WNT2: variants seen among roughly 807,000 people sequenced by gnomAD.
The protein encoded by WNT2 is protein Wnt-2.
In WNT2, 12 loss-of-function variants were observed where a neutral mutation model predicts 36.9. That is an observed-to-expected ratio of 0.33 (90% CI 0.21 to 0.53). The LOEUF (loss-of-function observed/expected upper bound fraction) is 0.53. WNT2 is among the 20% of genes least tolerant of loss of function. The probability of loss-of-function intolerance (pLI) is 0.95; values close to 1 mark genes in which losing one functional copy is unlikely to be tolerated. For synonymous variants in WNT2, 163 were observed against 174.6 expected (o/e 0.93, Z 0.52); for missense variants, 379 against 473.1 (o/e 0.80, Z 1.84).
chr7:117,315,390 TA>T, intron 2 of WNT2, 42 bp from the exon 3 acceptor site: 1 of 1,563,122 alleles, frequency 6.4e-7, no homozygotes, highest in Non-Finnish European at 8.7e-7. Flanking sequence ...CCGGTAGCAC[TA>T]TTTCTGAATA....
intron 3 of WNT2, among the ~76,000 whole-genome samples, chr7:117,308,561 A>G (rs1466214045): frequency 6.6e-6 from 1 of 152,218 alleles, no homozygotes; most frequent in Non-Finnish European, 1.5e-5. Flanking sequence ...GGGGTCCAAC[A>G]AGACAGAAGT....
chr7:117,322,536 T>TACACACACACACACACACACACAC lies in WNT2; in HGVS notation c.83+347_83+370dup, dbSNP rs144898264. Among the ~76,000 whole-genome samples the TACACACACACACACACACACACAC allele has an allele frequency of 2.7e-4, 35 of 127,996 alleles. No homozygotes were observed. Among genetic ancestry groups the TACACACACACACACACACACACAC allele is most frequent in the African/African-American group, 9.3e-4 (30 of 32,210 alleles). 84.0% of individuals were successfully genotyped at this position (127,996 alleles called of 152,430 possible). A position where few individuals can be genotyped will look rare whatever the true frequency, so the allele number is the denominator to read the frequency against. On this transcript the variant is annotated intron_variant, in intron 1 of 4. Transcript: ENST00000265441. This position sits in a 1 kb window ranked among gnomAD's most constrained non-coding sequence, Gnocchi z 5.4. ...GCGGTTGTAGTTTTCAAGGTGAATT[T>TACACACACACACACACACACACAC]ACACACACACACACACACACACACA... is the stretch of plus-strand genomic sequence containing the variant.
intron 4 of WNT2, among the ~76,000 whole-genome samples, chr7:117,281,161 G>A (rs1794481493): frequency 6.6e-6 from 1 of 152,212 alleles, no homozygotes; most frequent in African/African-American, 2.4e-5. Flanking sequence ...ACAACAGACT[G>A]CTGATTCAGG....
intron 3 of WNT2, among the ~76,000 whole-genome samples, chr7:117,314,269 C>A (rs1269022813): frequency 6.6e-6 from 1 of 152,180 alleles, no homozygotes; most frequent in Non-Finnish European, 1.5e-5. Context: ...ACCACCATAC[C>A]AAAAGACATG....
chr7:117,286,577 A>G (rs775767355), intron 4 of WNT2, among the ~76,000 whole-genome samples: 3 of 152,154 alleles, frequency 2.0e-5, no homozygotes, highest in Non-Finnish European at 4.4e-5. Context: ...TAGGGCATAA[A>G]CCAAGATTCA....
rs1182262727 is a variant in WNT2 at position 117,315,227 on chromosome 7, G to A, written c.432C>T (p.Ser144=). The change falls in exon 3 of 5, where the codon AGC becomes AGT. Residue 144 remains serine (S), a synonymous_variant. Coordinates refer to ENST00000265441, the MANE Select transcript of WNT2 (RefSeq NM_003391.3). ...CAAAAATGCCTTTGCTGTCCTTGGC[G>A]CTTCCCATCTTCTTTGGATCACAGG... ...SCSCDPKKMG[S]AKDSKGIFDW... 12 of 1,613,992 alleles carry A rather than the reference G, an allele frequency of 7.4e-6. No homozygotes were observed. Among genetic ancestry groups the A allele is most frequent in the East Asian group, 2.2e-5 (1 of 44,892 alleles).
intron 2 of WNT2, among the ~76,000 whole-genome samples, chr7:117,319,052 A>G (rs1795272336): frequency 6.6e-6 from 1 of 152,204 alleles, no homozygotes; most frequent in African/African-American, 2.4e-5. Flanking sequence ...ATTTGAAATC[A>G]TTGCAAAATG....
At chr7:117,301,260 T>C (rs1794900746) in intron 3 of WNT2, among the ~76,000 whole-genome samples, 1 of 152,174 alleles carries the variant, frequency 6.6e-6, no homozygotes, top group Admixed American at 6.5e-5. Flanking sequence ...AGTTTGGGGC[T>C]ACCTTCATCT....
chr7:117,287,547 A>T (rs1213978383), intron 4 of WNT2, among the ~76,000 whole-genome samples: 1 of 152,012 alleles, frequency 6.6e-6, no homozygotes, highest in Admixed American at 6.6e-5. Flanking sequence ...ACTGTTTGGA[A>T]ATATTTGATC....
chr7:117,281,843 G>A (rs1794495167), intron 4 of WNT2, among the ~76,000 whole-genome samples: 1 of 152,168 alleles, frequency 6.6e-6, no homozygotes, highest in African/African-American at 2.4e-5. Flanking sequence ...ACACCAAGGA[G>A]GTAACTGGCG....
At chr7:117,281,700 G>A (rs1794492417) in intron 4 of WNT2, among the ~76,000 whole-genome samples, 1 of 152,078 alleles carries the variant, frequency 6.6e-6, no homozygotes, top group African/African-American at 2.4e-5. Flanking sequence ...AAGAGATATT[G>A]CGTGAAGAAA....
chr7:117,286,265 G>A (rs540711910), intron 4 of WNT2, among the ~76,000 whole-genome samples: 6 of 152,132 alleles, frequency 3.9e-5, no homozygotes, highest in Non-Finnish European at 7.4e-5. Flanking sequence ...ATGGAGTCAG[G>A]GTTCCCAGTG....
At chr7:117,301,794 C>T (rs1362413049) in intron 3 of WNT2, among the ~76,000 whole-genome samples, 2 of 150,626 alleles carry the variant, frequency 1.3e-5, no homozygotes, top group Non-Finnish European at 3.0e-5. Context: ...ATTCTGTTTC[C>T]CTCCATTCTT....
chr7:117,300,291 A>T (rs1307195318), intron 3 of WNT2, among the ~76,000 whole-genome samples: 2 of 152,172 alleles, frequency 1.3e-5, no homozygotes, highest in Non-Finnish European at 2.9e-5. Context: ...GGTTCAAGCG[A>T]TTCTACTGCC....
At chr7:117,301,419 G>A (rs144613874) in intron 3 of WNT2, among the ~76,000 whole-genome samples, 19 of 152,248 alleles carry the variant, frequency 1.2e-4, no homozygotes, top group Non-Finnish European at 2.8e-4. Context: ...AAGGATATGA[G>A]GGCAAGAAAC....
At chr7:117,314,263 C>T (rs1321814209) in intron 3 of WNT2, among the ~76,000 whole-genome samples, 1 of 152,190 alleles carries the variant, frequency 6.6e-6, no homozygotes, top group Non-Finnish European at 1.5e-5. Flanking sequence ...GGTCATACCA[C>T]CATACCAAAA....
At position 117,275,970 on chromosome 7, in the gene WNT2, AAAAGTAGC is replaced by A. The variant is rs1318559704; in HGVS notation, c.*2177_*2184del. 6.6e-6 allele frequency among the ~76,000 whole-genome samples: 1 copy of A among 152,208 alleles called. No individual in the cohort carries two copies. Reference sequence around the variant, plus strand: ...CAGATCTAAACATACCAGGCATAAAAAAAGTAGCAAACACACCATTGGAAGCTAAAATT... The same window carrying A: ...CAGATCTAAACATACCAGGCATAAAAAAACACACCATTGGAAGCTAAAATT... On this transcript the variant is annotated 3_prime_UTR_variant, in exon 5 of 5. Coordinates refer to ENST00000265441, the MANE Select transcript of WNT2 (RefSeq NM_003391.3).
intron 3 of WNT2, among the ~76,000 whole-genome samples, chr7:117,310,963 G>A (rs751193012): frequency 1.2e-4 from 18 of 152,122 alleles, no homozygotes; most frequent in Non-Finnish European, 2.5e-4. Context: ...CTTATGGTCA[G>A]GGGCTGCTTT....
chr7:117,320,828 A>G, intron 1 of WNT2, 35 bp from the exon 2 acceptor site: 1 of 1,562,842 alleles, frequency 6.4e-7, no homozygotes, highest in Non-Finnish European at 8.7e-7. Flanking sequence ...GGTGAGGGCA[A>G]CGTGAACAGG....
Sources: allele counts gnomAD v4.1 joint callset (sites outside exome capture counted in the v4.1 genomes callset), GRCh38; gene constraint gnomAD v4.1.1; non-coding constraint Gnocchi (gnomAD v3.1); transcripts MANE v1.5; gene names NCBI Gene and HGNC (gene_info 2026-07-23, HGNC 2026-07-21).